The following ANKRD22 variants were observed in gnomAD, a reference collection of about 807,000 sequenced individuals.
ANKRD22 encodes ankyrin repeat domain-containing protein 22.
Under a neutral mutation model 25.7 loss-of-function variants are expected in ANKRD22, and 24 were observed. The ratio of observed to expected loss-of-function variants is 0.93; its 90% CI spans 0.68 to 1.31. The LOEUF is 1.31. Among genes scored for constraint, ANKRD22 ranks in the 50% most tolerant of loss-of-function variants. The pLI is 0.00. For synonymous variants in ANKRD22, 84 were observed against 84.3 expected (o/e 1.00, Z 0.02); for missense variants, 214 against 227.1 (o/e 0.94, Z 0.37).
chr10:88,837,689 C>T (rs1030665072), intron 1 of ANKRD22, among the ~76,000 whole-genome samples: 12 of 152,184 alleles, frequency 7.9e-5, no homozygotes, highest in Non-Finnish European at 1.6e-4. Context: ...CAAATCTCAT[C>T]TTGAATTGTA....
At chr10:88,840,344 C>G (rs1309159399) in intron 1 of ANKRD22, among the ~76,000 whole-genome samples, 2 of 152,124 alleles carry the variant, frequency 1.3e-5, no homozygotes, top group East Asian at 3.8e-4. Context: ...TTGCACTGCT[C>G]TAAGTACAAT....
chr10:88,831,734 G>A, intron 2 of ANKRD22, 101 bp downstream of exon 2: 1 of 1,211,372 alleles, frequency 8.3e-7, no homozygotes, highest in Middle Eastern at 2.1e-4. Flanking sequence ...CGTATTAGGA[G>A]CTGCAAGCAA....
chr10:88,828,875 G>T (rs1176486158), intron 2 of ANKRD22, among the ~76,000 whole-genome samples: 1 of 152,314 alleles, frequency 6.6e-6, no homozygotes, highest in South Asian at 2.1e-4. Flanking sequence ...CTAGGGAAGG[G>T]CTCCTGGGAG....
At chr10:88,833,514 G>A (rs1439003353) in intron 1 of ANKRD22, among the ~76,000 whole-genome samples, 1 of 152,164 alleles carries the variant, frequency 6.6e-6, no homozygotes, top group African/African-American at 2.4e-5. Flanking sequence ...AGGTACATAA[G>A]CACCTGTGGA....
chr10:88,829,595 C>A (rs1290541855), intron 2 of ANKRD22, among the ~76,000 whole-genome samples: 1 of 152,110 alleles, frequency 6.6e-6, no homozygotes, highest in Non-Finnish European at 1.5e-5. Flanking sequence ...TATGCAATAT[C>A]ATATCTTGCT....
rs1282834729 is a variant in ANKRD22 at position 88,820,466 on chromosome 10, A to G, written c.*2475T>C. 2 of 1,551,728 alleles carry G rather than the reference A, an allele frequency of 1.3e-6. No homozygotes were observed. The highest frequency in any genetic ancestry group is 1.7e-6 in the Non-Finnish European group (2 of 1,147,022). On this transcript the variant is annotated 3_prime_UTR_variant, in exon 6 of 6. Coordinates refer to ENST00000371930, the MANE Select transcript of ANKRD22 (RefSeq NM_144590.3). ...CCATCTGATGCAGCAGGAGGAGACC[A>G]ACCTTTCCCAGGGACGGTGTGAGGC...
At chr10:88,841,062 C>G (rs1843999640) in intron 1 of ANKRD22, among the ~76,000 whole-genome samples, 1 of 151,974 alleles carries the variant, frequency 6.6e-6, no homozygotes, top group Non-Finnish European at 1.5e-5. Context: ...TACTCTTTAT[C>G]CTGAAAGGTC....
chr10:88,825,405 C>T (rs187657102), intron 4 of ANKRD22, among the ~76,000 whole-genome samples: 6 of 152,200 alleles, frequency 3.9e-5, no homozygotes, highest in South Asian at 2.1e-4. Context: ...AAGAAGTGAG[C>T]GGATGCTGCT....
At chr10:88,828,428 A>G in intron 3 of ANKRD22, 131 bp downstream of exon 3, 3 of 724,322 alleles carry the variant, frequency 4.1e-6, no homozygotes, top group Non-Finnish European at 7.1e-6. Flanking sequence ...TGAACATGTC[A>G]ATTACAGAAT....
At chr10:88,831,752 A>G (rs761619077) in intron 2 of ANKRD22, 83 bp downstream of exon 2, 43 of 1,378,750 alleles carry the variant, frequency 3.1e-5, no homozygotes, top group Non-Finnish European at 4.2e-5. Context: ...CAATTTAAAA[A>G]ATGACATGCA....
At chr10:88,844,520 G>C (rs1262492564) in intron 1 of ANKRD22, among the ~76,000 whole-genome samples, 1 of 152,008 alleles carries the variant, frequency 6.6e-6, no homozygotes, top group African/African-American at 2.4e-5. Flanking sequence ...TCCAAAAAAG[G>C]TATTTCTAAT....
chr10:88,824,200 T>C (rs1843832188), intron 4 of ANKRD22, among the ~76,000 whole-genome samples: 1 of 152,270 alleles, frequency 6.6e-6, no homozygotes, highest in South Asian at 2.1e-4. Context: ...ATATTATGTG[T>C]TATAAGCTAG....
intron 3 of ANKRD22, 132 bp downstream of exon 3, chr10:88,828,427 C>G (rs1843874726): frequency 1.4e-6 from 1 of 721,118 alleles, no homozygotes; most frequent in Non-Finnish European, 2.4e-6. Flanking sequence ...TTGAACATGT[C>G]AATTACAGAA....
intron 2 of ANKRD22, among the ~76,000 whole-genome samples, chr10:88,830,275 C>G (rs773695188): frequency 2.0e-5 from 3 of 152,174 alleles, no homozygotes; most frequent in Non-Finnish European, 2.9e-5. Context: ...ACAATAATAA[C>G]TTAAACTTTC....
chr10:88,831,997 G>A lies in ANKRD22; in HGVS notation c.51C>T (p.Asp17=), dbSNP rs1486864259. Residue 17 remains aspartate (D), a synonymous_variant, in exon 2 of 6, where the codon GAC becomes GAT. Coordinates refer to ENST00000371930, the MANE Select transcript of ANKRD22 (RefSeq NM_144590.3). The part of the protein sequence containing the change: ...EPICQAAYQN[D]FGQVWRWVKE... ...TCACCCACCGCCACACTTGTCCAAA[G>A]TCATTCTGATAGGCTGCTTGGCAGA... 9.3e-6 allele frequency: 15 copies of A among 1,612,858 alleles called. No individual in the cohort carries two copies. The highest frequency in any genetic ancestry group is 5.0e-5 in the Admixed American group (3 of 59,682).
At chr10:88,850,671 T>A (rs968977819) in intron 1 of ANKRD22, among the ~76,000 whole-genome samples, 4 of 152,214 alleles carry the variant, frequency 2.6e-5, no homozygotes, top group Non-Finnish European at 5.9e-5. Context: ...ATATGTTTTG[T>A]CATTTTCATG....
At chr10:88,835,545 C>A (rs1323609752) in intron 1 of ANKRD22, among the ~76,000 whole-genome samples, 1 of 152,156 alleles carries the variant, frequency 6.6e-6, no homozygotes, top group Non-Finnish European at 1.5e-5. Flanking sequence ...GTACAGAATA[C>A]TATAGGCAGT....
chr10:88,842,517 C>A (rs1844011698), intron 1 of ANKRD22, among the ~76,000 whole-genome samples: 2 of 152,100 alleles, frequency 1.3e-5, no homozygotes, highest in Admixed American at 1.3e-4. Context: ...TTCAATTCAA[C>A]AGACTTTGAG....
At chr10:88,845,822 C>A (rs1443953431) in intron 1 of ANKRD22, among the ~76,000 whole-genome samples, 1 of 152,078 alleles carries the variant, frequency 6.6e-6, no homozygotes, top group East Asian at 1.9e-4. Flanking sequence ...CCTTTTTAAA[C>A]CCTAATGGTC....
Sources: allele counts gnomAD v4.1 joint callset (sites outside exome capture counted in the v4.1 genomes callset), GRCh38; gene constraint gnomAD v4.1.1; transcripts MANE v1.5; gene names NCBI Gene and HGNC (gene_info 2026-07-23, HGNC 2026-07-21).